Variants in GPC6 observed in about 807,000 individuals in gnomAD.
The protein encoded by GPC6 is glypican 6.
GPC6 carries 14 observed loss-of-function variants against 55.2 expected under a neutral mutation model. The observed-to-expected ratio is 0.25, with a 90% confidence interval of 0.17 to 0.40. The LOEUF (loss-of-function observed/expected upper bound fraction) is 0.40. Ranked by LOEUF, GPC6 falls within the 10% of genes least tolerant of loss-of-function variation. GPC6 has a pLI of 1.00. For missense variants in GPC6, 641 were observed against 708.5 expected, an observed-to-expected ratio of 0.90 and a Z score of 1.08; for synonymous variants, 278 against 259.6, an observed-to-expected ratio of 1.07 and a Z score of -0.68.
intron 3 of GPC6, among the ~76,000 whole-genome samples, chr13:93,979,839 T>A (rs1356752727): frequency 6.6e-6 from 1 of 152,012 alleles, no homozygotes; most frequent in East Asian, 1.9e-4. Context: ...TATAGCCTAT[T>A]CACCATAAAT....
chr13:93,276,249 G>T (rs997865336), intron 1 of GPC6, among the ~76,000 whole-genome samples: 10 of 152,086 alleles, frequency 6.6e-5, no homozygotes, highest in African/African-American at 2.2e-4. Context: ...TCAAGGAAAG[G>T]CATGGAGCCC....
chr13:93,572,890 A>T (rs1876474411), intron 2 of GPC6, among the ~76,000 whole-genome samples: 1 of 152,172 alleles, frequency 6.6e-6, no homozygotes, highest in Non-Finnish European at 1.5e-5. Flanking sequence ...AAGAAGAACT[A>T]AATTGGCATA....
chr13:94,361,414 A>C (rs1879055078), intron 6 of GPC6, among the ~76,000 whole-genome samples: 1 of 152,236 alleles, frequency 6.6e-6, no homozygotes, highest in Non-Finnish European at 1.5e-5. Context: ...GGCTCTACAA[A>C]TTACGTAGCT....
intron 2 of GPC6, among the ~76,000 whole-genome samples, chr13:93,789,611 A>ACTACATATATATATAATACTACG (rs1179251753): frequency 1.5e-4 from 2 of 13,418 alleles, no homozygotes; most frequent in Non-Finnish European, 2.7e-4. Flanking sequence ...ATATATATAT[A>ACTACATATATATATAATACTACG]TATATATATA....
At chr13:93,737,252 C>A (rs548610304) in intron 2 of GPC6, among the ~76,000 whole-genome samples, 11 of 152,222 alleles carry the variant, frequency 7.2e-5, no homozygotes, top group South Asian at 2.1e-4. Flanking sequence ...AGACCAAAAT[C>A]ATCTCTTAAT....
intron 2 of GPC6, among the ~76,000 whole-genome samples, chr13:93,618,155 C>G (rs1878802730): frequency 1.3e-5 from 2 of 152,124 alleles, no homozygotes; most frequent in South Asian, 4.2e-4. Context: ...CTTCCATAGT[C>G]ACCAAATTTT....
chr13:93,388,599 G>A (rs1875494128), intron 1 of GPC6, among the ~76,000 whole-genome samples: 1 of 152,156 alleles, frequency 6.6e-6, no homozygotes, highest in Non-Finnish European at 1.5e-5. Flanking sequence ...GTATATGCCA[G>A]ATTAAAAGGT....
chr13:93,606,725 C>A (rs1227642626), intron 2 of GPC6, among the ~76,000 whole-genome samples: 1 of 152,148 alleles, frequency 6.6e-6, no homozygotes, highest in Admixed American at 6.5e-5. Flanking sequence ...AGATGTACAT[C>A]ATTACATCTA....
At chr13:93,930,569 C>T (rs1370577574) in intron 3 of GPC6, among the ~76,000 whole-genome samples, 1 of 152,026 alleles carries the variant, frequency 6.6e-6, no homozygotes, top group Non-Finnish European at 1.5e-5. Context: ...TCACACCCAG[C>T]CTGAAACCAA....
rs1212344906 is a variant in GPC6, at chr13:93,835,330, C to T, written c.711+4785C>T. Among the ~76,000 whole-genome samples, 4 of 152,226 alleles carry T rather than the reference C, an allele frequency of 2.6e-5. No homozygotes were observed. The East Asian group carries it at 5.8e-4, about 22-fold the overall frequency. On this transcript the variant is annotated intron_variant, in intron 3 of 8. Transcript: ENST00000377047. ...ATTAGCCAGTCATGGTGGCATGCAC[C>T]TGTAGTTCCAGCTATTTGAGAGGCT... is the stretch of plus-strand genomic sequence containing the variant.
chr13:93,812,281 TG>T (rs1347011635), intron 2 of GPC6, among the ~76,000 whole-genome samples: 2 of 151,814 alleles, frequency 1.3e-5, no homozygotes, highest in East Asian at 3.9e-4. Context: ...CCCAGCTACT[TG>T]GGAGGCTGAG....
rs191908515 is a variant in GPC6 at position 93,472,901 on chromosome 13, C to T, written c.161-72362C>T. Among the ~76,000 whole-genome samples the T allele has an allele frequency of 7.9e-5, 12 of 152,268 alleles. No homozygotes were observed. The East Asian group carries it at 2.3e-3, about 30-fold the overall frequency. On this transcript the variant is annotated intron_variant, in intron 1 of 8. Coordinates refer to ENST00000377047, the MANE Select transcript of GPC6 (RefSeq NM_005708.5). ...CTCAGTCTCCCACAGGGAGAAAGCTCCTTAGCTCCTAGCAGAGAAGGTAGC... is the reference window on the plus strand; with the variant it reads ...CTCAGTCTCCCACAGGGAGAAAGCTTCTTAGCTCCTAGCAGAGAAGGTAGC...
chr13:93,496,332 C>T (rs890682083), intron 1 of GPC6, among the ~76,000 whole-genome samples: 15 of 152,218 alleles, frequency 9.9e-5, no homozygotes, highest in Non-Finnish European at 1.9e-4. Context: ...AAAGGAACTC[C>T]CTGACCCCTT....
intron 4 of GPC6, among the ~76,000 whole-genome samples, chr13:94,268,220 A>G (rs1337463625): frequency 6.6e-6 from 1 of 152,238 alleles, no homozygotes; most frequent in Non-Finnish European, 1.5e-5. Context: ...TAGACTTTAG[A>G]ATAAATAATT....
intron 2 of GPC6, among the ~76,000 whole-genome samples, chr13:93,789,909 C>A (rs910790754): frequency 1.3e-5 from 2 of 151,510 alleles, no homozygotes; most frequent in Non-Finnish European, 1.5e-5. Flanking sequence ...TATTTGTTTG[C>A]CCACAGCATC....
intron 4 of GPC6, among the ~76,000 whole-genome samples, chr13:94,275,252 T>C (rs565986355): frequency 1.3e-5 from 2 of 152,230 alleles, no homozygotes; most frequent in Middle Eastern, 3.4e-3. Flanking sequence ...AATATACATA[T>C]AATAAGTCAG....
intron 1 of GPC6, among the ~76,000 whole-genome samples, chr13:93,364,825 A>G (rs113586304): frequency 5.4e-4 from 82 of 151,932 alleles, no homozygotes; most frequent in Non-Finnish European, 9.6e-4. Context: ...ACATGCATCA[A>G]GGTGTATTGA....
intron 5 of GPC6, among the ~76,000 whole-genome samples, chr13:94,290,429 T>TAAAAAAAAAAAAA (rs532958421): frequency 4.6e-4 from 46 of 98,944 alleles, no homozygotes; most frequent in Non-Finnish European, 6.2e-4. Context: ...TCTAGAAAGG[T>TAAAAAAAAAAAAA]AAAAAAAAAA....
intron 1 of GPC6, among the ~76,000 whole-genome samples, chr13:93,490,808 T>C (rs1182342087): frequency 8.9e-6 from 1 of 111,902 alleles, no homozygotes; most frequent in African/African-American, 3.3e-5. Context: ...CTGAGAATGA[T>C]GGTTTCCAAT....
Sources: allele counts gnomAD v4.1 joint callset (sites outside exome capture counted in the v4.1 genomes callset), GRCh38; gene constraint gnomAD v4.1.1; transcripts MANE v1.5; gene names NCBI Gene and HGNC (gene_info 2026-07-23, HGNC 2026-07-21).